The following CCDC148 variants were observed in gnomAD, a reference collection of about 807,000 sequenced individuals.
CCDC148 encodes the protein coiled-coil domain-containing protein 148.
In CCDC148, 89 loss-of-function variants were observed where a neutral mutation model predicts 85.7. The ratio of observed to expected loss-of-function variants is 1.04; its 90% CI spans 0.87 to 1.24. The LOEUF is 1.24. CCDC148 is among the 50% of genes most tolerant of loss of function. The pLI, the probability that CCDC148 is intolerant of heterozygous loss-of-function variation, is 0.00. For missense variants in CCDC148, 692 were observed against 671.7 expected, an observed-to-expected ratio of 1.03 and a Z score of -0.33; for synonymous variants, 230 against 213.9, an observed-to-expected ratio of 1.08 and a Z score of -0.66.
At chr2:158,282,909 T>A (rs546312938) in intron 9 of CCDC148, among the ~76,000 whole-genome samples, 2 of 152,284 alleles carry the variant, frequency 1.3e-5, no homozygotes, top group Admixed American at 1.3e-4. Flanking sequence ...CAAAACAGCA[T>A]GGTACTTGTA....
At chr2:158,388,320 C>T (rs1017000041) in intron 1 of CCDC148, among the ~76,000 whole-genome samples, 1 of 151,998 alleles carries the variant, frequency 6.6e-6, no homozygotes, top group African/African-American at 2.4e-5. Context: ...TTATGGGTAA[C>T]CAATGACAAG....
chr2:158,194,736 G>C (rs2105276268), intron 11 of CCDC148, among the ~76,000 whole-genome samples: 1 of 152,168 alleles, frequency 6.6e-6, no homozygotes, highest in South Asian at 2.1e-4. Flanking sequence ...CAGCCCCTTG[G>C]ATATTGCTTT....
chr2:158,382,269 A>C (rs1684903045), intron 1 of CCDC148, among the ~76,000 whole-genome samples: 1 of 152,172 alleles, frequency 6.6e-6, no homozygotes, highest in Admixed American at 6.5e-5. Context: ...TAGTAGCTAA[A>C]ATGGACTAAC....
At chr2:158,236,906 T>C (rs983227815) in intron 10 of CCDC148, among the ~76,000 whole-genome samples, 2 of 152,168 alleles carry the variant, frequency 1.3e-5, no homozygotes, top group Non-Finnish European at 2.9e-5. Flanking sequence ...GGAGTGAAGA[T>C]AGTCAATAAA....
chr2:158,331,960 A>C (rs1197462056), intron 7 of CCDC148, among the ~76,000 whole-genome samples: 1 of 152,104 alleles, frequency 6.6e-6, no homozygotes, highest in Non-Finnish European at 1.5e-5. Flanking sequence ...CTCTTTATCC[A>C]ATTTGCCAGT....
At chr2:158,219,994 T>C (rs1558992341) in intron 11 of CCDC148, among the ~76,000 whole-genome samples, 1 of 152,214 alleles carries the variant, frequency 6.6e-6, no homozygotes, top group Non-Finnish European at 1.5e-5. Context: ...ATGTTTTTTG[T>C]CTCCTAATTG....
chr2:158,224,250 G>A (rs1687365715), intron 10 of CCDC148, among the ~76,000 whole-genome samples: 1 of 152,298 alleles, frequency 6.6e-6, no homozygotes, highest in African/African-American at 2.4e-5. Context: ...GAAGCGAGAA[G>A]AGAAGTTTAG....
At position 158,240,452 on chromosome 2, in the gene CCDC148, T is replaced by TCTCTCTCTCACACA. The variant is rs941238898; in HGVS notation, c.1251+10319_1251+10320insTGTGTGAGAGAGAG. Among the ~76,000 whole-genome samples, 99 of 120,540 alleles carry TCTCTCTCTCACACA rather than the reference T, an allele frequency of 8.2e-4. 1 individual carries two copies. The highest frequency in any genetic ancestry group is 3.6e-3 in the Admixed American group (40 of 11,174). The allele number at this position is 120,540 out of a possible 152,430, so 79.1% of individuals were successfully genotyped here. A position where few individuals can be genotyped will look rare whatever the true frequency, so the allele number is the denominator to read the frequency against. Reference sequence around the variant, plus strand: ...CTCTCTCTTTCTCTCTCTCTCTCTCTCACACACACACACACACACACACAC... The same window carrying TCTCTCTCTCACACA: ...CTCTCTCTTTCTCTCTCTCTCTCTCTCTCTCTCTCACACACACACACACACACACACACACACAC... On this transcript the variant is annotated intron_variant, in intron 10 of 13. Transcript: ENST00000283233.
intron 1 of CCDC148, among the ~76,000 whole-genome samples, chr2:158,403,190 T>C (rs1043803384): frequency 1.1e-4 from 16 of 152,080 alleles, no homozygotes; most frequent in Admixed American, 5.9e-4. Flanking sequence ...TTTTTCTTTT[T>C]TTTTTCTGAC....
At chr2:158,393,340 G>A (rs78060548) in intron 1 of CCDC148, 8,263 of 152,230 alleles carry the variant, frequency 0.054, 333 homozygotes, top group Middle Eastern at 0.092. Context: ...TCATGATATC[G>A]TAGCTATGCT....
intron 7 of CCDC148, among the ~76,000 whole-genome samples, chr2:158,325,691 T>A (rs1692734982): frequency 6.6e-6 from 1 of 152,136 alleles, no homozygotes; most frequent in Non-Finnish European, 1.5e-5. Flanking sequence ...CCCCGGATTT[T>A]CTCCACAGCC....
At chr2:158,300,964 C>G (rs1453816862) in intron 9 of CCDC148, among the ~76,000 whole-genome samples, 1 of 152,204 alleles carries the variant, frequency 6.6e-6, no homozygotes, top group Non-Finnish European at 1.5e-5. Flanking sequence ...AAGAAATCCT[C>G]CTGCCTCAAC....
intron 1 of CCDC148, among the ~76,000 whole-genome samples, chr2:158,373,194 G>A (rs866342582): frequency 8.6e-5 from 13 of 151,978 alleles, no homozygotes; most frequent in African/African-American, 1.9e-4. Flanking sequence ...TGCTTCTGGC[G>A]TTGAAGAAGC....
At chr2:158,398,304 C>T (rs1685620690) in intron 1 of CCDC148, among the ~76,000 whole-genome samples, 1 of 152,120 alleles carries the variant, frequency 6.6e-6, no homozygotes, top group African/African-American at 2.4e-5. Flanking sequence ...AACTATTCAT[C>T]CCAAATCAAC....
chr2:158,432,957 G>T (rs1049959828), intron 1 of CCDC148, among the ~76,000 whole-genome samples: 3 of 149,720 alleles, frequency 2.0e-5, no homozygotes, highest in Admixed American at 2.0e-4. Context: ...AAAATTATAG[G>T]TTGGGTGCAA....
chr2:158,322,774 G>A (rs1380995764), intron 7 of CCDC148, among the ~76,000 whole-genome samples: 1 of 152,028 alleles, frequency 6.6e-6, no homozygotes, highest in Non-Finnish European at 1.5e-5. Flanking sequence ...ACATACAGAG[G>A]AGAAAATTGT....
intron 2 of CCDC148, among the ~76,000 whole-genome samples, chr2:158,351,492 C>T (rs1030905299): frequency 2.0e-5 from 3 of 151,820 alleles, no homozygotes; most frequent in Non-Finnish European, 4.4e-5. Flanking sequence ...CGGGTCACTC[C>T]CACCTGAATA....
At chr2:158,307,029 A>T (rs868553942) in intron 9 of CCDC148, among the ~76,000 whole-genome samples, 1,883 of 151,730 alleles carry the variant, frequency 0.012, 32 homozygotes, top group African/African-American at 0.039. Flanking sequence ...AAAAAAAAAA[A>T]AAAATAGTTA....
rs1288912988 is a variant in CCDC148 at position 158,172,162 on chromosome 2, G to A, written c.1727C>T (p.Pro576Leu). 1 of 1,609,754 alleles carries A rather than the reference G, an allele frequency of 6.2e-7. No homozygotes were observed. The highest frequency in any genetic ancestry group is 8.5e-7 in the Non-Finnish European group (1 of 1,177,446). The change falls in exon 14 of 14, where the codon CCT (proline) becomes CTT (leucine). Residue 576 changes from proline (P) to leucine (L), a missense_variant. Physicochemically the swap from Pro to Leu is moderately conservative, Grantham distance 98 (BLOSUM62 -3). Coordinates refer to ENST00000283233, the MANE Select transcript of CCDC148 (RefSeq NM_138803.4). ...YAKEILPKIS[P>L]QKPPRKDMES... Reference sequence around the variant, plus strand: ...CATGTCCTTTCTTGGAGGTTTTTGAGGACTAATTTTTGGTAATATCTCTTT... The same window carrying A: ...CATGTCCTTTCTTGGAGGTTTTTGAAGACTAATTTTTGGTAATATCTCTTT...
Sources: gnomAD v4.1 joint callset for allele counts (sites outside exome capture counted in the v4.1 genomes callset) on GRCh38, gnomAD v4.1.1 for gene constraint, MANE v1.5 for transcripts, NCBI Gene and HGNC (gene_info 2026-07-23, HGNC 2026-07-21) for gene names.